The following CUX1 variants were observed in gnomAD, a reference collection of about 807,000 sequenced individuals.
The protein encoded by CUX1 is protein CASP.
Under a neutral mutation model 158.8 loss-of-function variants are expected in CUX1, and 31 were observed. The observed-to-expected ratio is 0.20, with a 90% CI of 0.15 to 0.26. The LOEUF (loss-of-function observed/expected upper bound fraction) is 0.26, where lower values mean the gene tolerates loss of function less well. CUX1 is among the 10% of genes least tolerant of loss of function. The pLI, the probability that CUX1 is intolerant of heterozygous loss-of-function variation, is 1.00. For synonymous variants in CUX1, 879 were observed against 862.1 expected (o/e 1.02, Z -0.34); for missense variants, 1,589 against 2,014.6 (o/e 0.79, Z 4.04).
chr7:102,117,397 CAAAA>C (rs10633602), intron 8 of CUX1, among the ~76,000 whole-genome samples: 2 of 46,668 alleles, frequency 4.3e-5, no homozygotes, highest in East Asian at 7.9e-4. Context: ...GACTCCATCG[CAAAA>C]AAAAAAAAAA....
At chr7:101,969,361 A>C (rs1428984027) in intron 2 of CUX1, among the ~76,000 whole-genome samples, 24 of 19,864 alleles carry the variant, frequency 1.2e-3, no homozygotes, top group Non-Finnish European at 3.1e-3. Context: ...AAAAACAGCA[A>C]AAAAAAAAAA....
rs141118279 is a variant in CUX1 at position 102,193,868 on chromosome 7, C to T, written c.1103C>T (p.Pro368Leu). Residue 368 changes from proline to leucine, a missense_variant, in exon 13 of 24, where the codon CCG (proline) becomes CTG (leucine). Around this residue, in one of 8 missense-constraint regions of CUX1, gnomAD observed 515 missense variants for 574.4 expected, o/e 0.90. Coordinates refer to ENST00000292535, the MANE Select transcript of CUX1 (RefSeq NM_181552.4). ...ATTCTGAAGTCCATGGAGTTTGCAC[C>T]GTCCGAGGGCGCTGGGACACAGGTA... ...LNILKSMEFA[P>L]SEGAGTQDAA... The T allele has an allele frequency of 5.6e-6, 9 of 1,614,010 alleles. No individual in the cohort carries two copies. In the African/African-American group the frequency reaches 6.7e-5, roughly 12 times the overall value.
chr7:102,263,571 C>A lies in CUX1; in HGVS notation c.1256-9795C>A, dbSNP rs537435569. On this transcript the variant is annotated intron_variant, in intron 14 of 22. Transcript: ENST00000292538. ...CCTCAGGTGATCTGCCCGCTTCAGCCTCCCATAGTGCTGGGATTACAGATG... is the reference window on the plus strand; with the variant it reads ...CCTCAGGTGATCTGCCCGCTTCAGCATCCCATAGTGCTGGGATTACAGATG... Among the ~76,000 whole-genome samples the A allele has an allele frequency of 2.5e-3, 388 of 152,208 alleles. 1 individual carries two copies. The highest frequency in any genetic ancestry group is 4.1e-3 in the Admixed American group (62 of 15,288).
intron 1 of CUX1, among the ~76,000 whole-genome samples, chr7:101,835,049 T>C (rs528653245): frequency 2.6e-5 from 4 of 152,088 alleles, no homozygotes; most frequent in African/African-American, 9.6e-5. Flanking sequence ...AATCCATAGG[T>C]GTTTGGTATA....
At chr7:101,899,164 G>C (rs79943058) in intron 1 of CUX1, among the ~76,000 whole-genome samples, 30,592 of 152,234 alleles carry the variant, frequency 0.2, 3,927 homozygotes, top group Non-Finnish European at 0.28. Context: ...TGGTGATGGG[G>C]TGGAGTGGGT....
intron 8 of CUX1, among the ~76,000 whole-genome samples, chr7:102,146,940 G>A (rs1311535502): frequency 6.6e-5 from 10 of 152,096 alleles, no homozygotes; most frequent in Admixed American, 4.6e-4. Flanking sequence ...ATTTAAATTA[G>A]TATAATGGTA....
intron 2 of CUX1, among the ~76,000 whole-genome samples, chr7:101,991,104 C>T (rs953824606): frequency 2.6e-5 from 4 of 152,150 alleles, no homozygotes; most frequent in South Asian, 2.1e-4. Context: ...TCCCTAGCCC[C>T]GCACCCACAG....
rs1801331619 is a variant in CUX1, at chr7:102,250,059, AAAG to A, written c.*1020_*1022del. ...AAATCAGGACAAAAAAAAGAAAAAA[AAAG>A]AAAAAAAAAAAAGAAAAGATCCGAA... On this transcript the variant is annotated 3_prime_UTR_variant, in exon 24 of 24. Coordinates refer to ENST00000292535, the MANE Select transcript of CUX1 (RefSeq NM_181552.4). 3 of 979,450 alleles carry A rather than the reference AAAG, an allele frequency of 3.1e-6. No individual in the cohort carries two copies. The highest frequency in any genetic ancestry group is 2.3e-4 in the East Asian group (2 of 8,786). The allele number at this position is 979,450 out of a possible 1,614,324, so 60.7% of individuals were successfully genotyped here.
intron 16 of CUX1, among the ~76,000 whole-genome samples, chr7:102,199,814 C>T (rs1394479339): frequency 6.6e-6 from 1 of 152,210 alleles, no homozygotes; most frequent in Non-Finnish European, 1.5e-5. Flanking sequence ...TCGGTTCTCC[C>T]GGGTACTAAC....
chr7:101,935,478 C>T (rs1013924530), intron 2 of CUX1, among the ~76,000 whole-genome samples: 2 of 152,244 alleles, frequency 1.3e-5, no homozygotes, highest in Admixed American at 1.3e-4. Context: ...GCTCCGTCCA[C>T]GCTTTCCCAG....
rs11318780 is a variant in CUX1, at chr7:101,897,501, T to TA, written c.31-18602dup. On this transcript the variant is annotated intron_variant, in intron 1 of 23. Coordinates refer to ENST00000292535, the MANE Select transcript of CUX1 (RefSeq NM_181552.4). The stretch of plus-strand genomic sequence containing the variant: ...GAGTGAAGGGCGAGATGTTGTCTCT[T>TA]AAAAAAAAAAAATAATAATAATAAA... Among the ~76,000 whole-genome samples the TA allele has an allele frequency of 1.4e-4, 21 of 148,348 alleles. 1 individual carries two copies. The highest frequency in any genetic ancestry group is 5.9e-5 in the Non-Finnish European group (4 of 67,366).
intron 20 of CUX1, among the ~76,000 whole-genome samples, chr7:102,222,398 T>C (rs1409352010): frequency 6.6e-6 from 1 of 152,200 alleles, no homozygotes; most frequent in Non-Finnish European, 1.5e-5. Context: ...CTCCTGATCC[T>C]TGCACCATCT....
intron 4 of CUX1, among the ~76,000 whole-genome samples, chr7:102,072,096 G>A (rs1284773279): frequency 2.0e-5 from 3 of 152,216 alleles, no homozygotes; most frequent in Admixed American, 2.0e-4. Flanking sequence ...GGCGTTTTGA[G>A]CAATGAATTG....
intron 21 of CUX1, among the ~76,000 whole-genome samples, chr7:102,231,574 T>G (rs1428870951): frequency 6.6e-6 from 1 of 152,134 alleles, no homozygotes; most frequent in African/African-American, 2.4e-5. Flanking sequence ...AATAATCATC[T>G]GATTTTTTTT....
chr7:102,032,967 C>G (rs1221629111), intron 3 of CUX1, among the ~76,000 whole-genome samples: 2 of 152,148 alleles, frequency 1.3e-5, no homozygotes, highest in Non-Finnish European at 2.9e-5. Context: ...CTAGTCTGGC[C>G]AATCCTTGCT....
intron 10 of CUX1, among the ~76,000 whole-genome samples, chr7:102,173,185 A>G (rs1586039674): frequency 1.3e-5 from 2 of 152,056 alleles, no homozygotes; most frequent in African/African-American, 4.8e-5. Context: ...TATGGCGAGA[A>G]CCTGTCTCTA....
chr7:102,146,232 T>C (rs2131443909), intron 8 of CUX1, among the ~76,000 whole-genome samples: 1 of 152,202 alleles, frequency 6.6e-6, no homozygotes, highest in African/African-American at 2.4e-5. Flanking sequence ...AATTATGCAA[T>C]ATCAGAGCCT....
rs11266929 is a variant in CUX1, at chr7:102,133,467, CTT to C, written c.674+18219_674+18220del. On this transcript the variant is annotated intron_variant, in intron 8 of 23. Coordinates refer to ENST00000292535, the MANE Select transcript of CUX1 (RefSeq NM_181552.4). Reference sequence around the variant, plus strand: ...GAATTGGACCCAGAAAAAAATACATCTTTTTTTTTTTTTTTTTTTTTTTTTTG... The same window carrying C: ...GAATTGGACCCAGAAAAAAATACATCTTTTTTTTTTTTTTTTTTTTTTTTG... Among the ~76,000 whole-genome samples, 617 of 90,532 alleles carry C rather than the reference CTT, an allele frequency of 6.8e-3. 2 individuals carry two copies. Among genetic ancestry groups the C allele is most frequent in the African/African-American group, 0.021 (431 of 20,082 alleles). 59.4% of individuals were successfully genotyped at this position (90,532 alleles called of 152,430 possible). A position where few individuals can be genotyped will look rare whatever the true frequency, so the allele number is the denominator to read the frequency against.
chr7:101,939,058 CATATATATATATATATATATATATAT>C (rs58303224), intron 2 of CUX1, among the ~76,000 whole-genome samples: 1,105 of 52,668 alleles, frequency 0.021, 77 homozygotes, highest in African/African-American at 0.065. Flanking sequence ...AAAAAAAATA[CATATATATATATATATATATATATAT>C]ATATATATAT....
Sources: allele counts gnomAD v4.1 joint callset (sites outside exome capture counted in the v4.1 genomes callset), GRCh38; gene constraint gnomAD v4.1.1; regional missense constraint gnomAD v4.1.1; transcripts MANE v1.5; gene names NCBI Gene and HGNC (gene_info 2026-07-23, HGNC 2026-07-21).